Variants in ME3 observed in about 807,000 individuals in gnomAD.
ME3 encodes NADP-dependent malic enzyme, mitochondrial.
ME3 carries 48 observed loss-of-function variants against 68.9 expected under a neutral mutation model. The observed-to-expected ratio is 0.70, with a 90% confidence interval of 0.55 to 0.89. The LOEUF (loss-of-function observed/expected upper bound fraction) is 0.89. Among genes scored for constraint, ME3 ranks in the 40% least tolerant of loss-of-function variants. ME3 has a pLI of 0.00. For synonymous variants in ME3, 320 were observed against 318.8 expected (o/e 1.00, Z -0.04); for missense variants, 675 against 797.4 (o/e 0.85, Z 1.85).
At chr11:86,507,808 C>A (rs1953195325) in intron 5 of ME3, among the ~76,000 whole-genome samples, 1 of 152,054 alleles carries the variant, frequency 6.6e-6, no homozygotes, top group Non-Finnish European at 1.5e-5. Context: ...CATGGCAAAA[C>A]CCTATCTCTG....
intron 7 of ME3, among the ~76,000 whole-genome samples, chr11:86,474,019 G>T (rs900921965): frequency 6.6e-6 from 1 of 152,208 alleles, no homozygotes; most frequent in African/African-American, 2.4e-5. Context: ...GAAAGAGACT[G>T]CTGGTCACTG....
intron 7 of ME3, among the ~76,000 whole-genome samples, chr11:86,483,953 A>G (rs1175829141): frequency 2.0e-5 from 3 of 152,218 alleles, no homozygotes; most frequent in Admixed American, 2.0e-4. Context: ...GCACCCATCC[A>G]CTGCATGACA....
chr11:86,526,867 G>A lies in ME3; in HGVS notation c.468-18000C>T, dbSNP rs112413385. Among the ~76,000 whole-genome samples the A allele has an allele frequency of 1.8e-4, 28 of 152,306 alleles. No individual in the cohort carries two copies. In the East Asian group the frequency reaches 3.7e-3, roughly 20 times the overall value. ...CATCCACACCAAACCCCATCTGTAC[G>A]TCACCATCATCACAGACCAAAGGTA... On this transcript the variant is annotated intron_variant, in intron 4 of 14. Coordinates refer to ENST00000543262, the Ensembl canonical transcript of ME3.
chr11:86,449,788 CTA>C, intron 10 of ME3, 99 bp downstream of exon 10: 1 of 812,796 alleles, frequency 1.2e-6, no homozygotes, highest in Non-Finnish European at 2.0e-6. Flanking sequence ...ATTTTGCTCT[CTA>C]TTCTGTTTGA....
chr11:86,611,536 ATATC>A (rs1942574832), intron 2 of ME3, among the ~76,000 whole-genome samples: 1 of 147,862 alleles, frequency 6.8e-6, no homozygotes, highest in African/African-American at 2.5e-5. Context: ...TATATTATAT[ATATC>A]AAATCATCAC....
chr11:86,498,436 A>G (rs1465107827), intron 5 of ME3, among the ~76,000 whole-genome samples: 1 of 152,190 alleles, frequency 6.6e-6, no homozygotes, highest in African/African-American at 2.4e-5. Flanking sequence ...CCCTCAAGGA[A>G]ACTAAATAGA....
chr11:86,537,942 G>A (rs12799562), intron 4 of ME3, among the ~76,000 whole-genome samples: 25,210 of 152,204 alleles, frequency 0.17, 2,274 homozygotes, highest in African/African-American at 0.23. Flanking sequence ...GCCTGTGCAG[G>A]TCTGAAGAAC....
chr11:86,589,618 T>C (rs552387352), intron 2 of ME3, among the ~76,000 whole-genome samples: 70 of 152,336 alleles, frequency 4.6e-4, no homozygotes, highest in South Asian at 3.1e-3. Context: ...TCCTATTTTG[T>C]ATGTTTTAAT....
chr11:86,515,705 T>G (rs1405522990), intron 4 of ME3, among the ~76,000 whole-genome samples: 1 of 152,168 alleles, frequency 6.6e-6, no homozygotes, highest in Non-Finnish European at 1.5e-5. Flanking sequence ...TCCTGGCAGC[T>G]CTTTACGGAT....
At chr11:86,580,268 G>C (rs913616314) in intron 2 of ME3, among the ~76,000 whole-genome samples, 1 of 152,168 alleles carries the variant, frequency 6.6e-6, no homozygotes, top group Non-Finnish European at 1.5e-5. Context: ...GACCTGCAGA[G>C]TGACCTCTCC....
chr11:86,512,719 C>A (rs1309439528), intron 4 of ME3, among the ~76,000 whole-genome samples: 1 of 152,100 alleles, frequency 6.6e-6, no homozygotes, highest in Non-Finnish European at 1.5e-5. Context: ...GACTTTAAGA[C>A]TTGGGGAGTG....
In ME3 at chr11:86,671,744, T is replaced by G. The variant is rs1211229576; in HGVS notation, c.183+18A>C. On this transcript the variant is annotated intron_variant, in intron 2 of 14. Transcript: ENST00000543262. ...CACGGGATCGCAACGCGGGCCGTCC[T>G]GCCCTCTGGCCCATTACCTTGTTGA... The G allele has an allele frequency of 2.5e-6, 4 of 1,598,716 alleles. No individual in the cohort carries two copies. Among genetic ancestry groups the G allele is most frequent in the Non-Finnish European group, 2.6e-6 (3 of 1,173,882 alleles).
intron 4 of ME3, among the ~76,000 whole-genome samples, chr11:86,514,242 T>G (rs1434146933): frequency 5.3e-5 from 8 of 152,130 alleles, no homozygotes; most frequent in Admixed American, 5.2e-4. Flanking sequence ...GAACTGCAAG[T>G]CTATTAAATC....
chr11:86,572,185 G>T (rs1402983764), intron 2 of ME3, among the ~76,000 whole-genome samples: 1 of 152,154 alleles, frequency 6.6e-6, no homozygotes, highest in African/African-American at 2.4e-5. Flanking sequence ...GCTGGGCTTT[G>T]TTGCATCCAG....
rs111245252 is a variant in ME3, at chr11:86,615,835, C to G, written c.183+55927G>C. ...TGCTCTCAAGGATTTTCTTGCATAA[C>G]AACTTCTTAAAGTCACAAAATATTC... On this transcript the variant is annotated intron_variant, in intron 2 of 14. Coordinates refer to ENST00000543262, the Ensembl canonical transcript of ME3. 2.5e-3 allele frequency among the ~76,000 whole-genome samples: 374 copies of G among 152,318 alleles called. 2 individuals carry two copies. The highest frequency in any genetic ancestry group is 0.01 in the Middle Eastern group (3 of 294).
chr11:86,493,994 C>T lies in ME3; in HGVS notation c.705+3969G>A, dbSNP rs112725371. ...CCCTCTGTTACATCTCAGGCTTGCT[C>T]TGAGCAAAAGGTGTGCCCTGGGACT... On this transcript the variant is annotated intron_variant, in intron 6 of 14. Coordinates refer to ENST00000543262, the Ensembl canonical transcript of ME3. 5.8e-3 allele frequency among the ~76,000 whole-genome samples: 878 copies of T among 151,486 alleles called. 10 individuals are homozygous for T. Among genetic ancestry groups the T allele is most frequent in the African/African-American group, 0.02 (815 of 41,244 alleles).
chr11:86,638,858 C>A (rs561834301), intron 2 of ME3, among the ~76,000 whole-genome samples: 15 of 152,306 alleles, frequency 9.8e-5, no homozygotes, highest in Admixed American at 7.8e-4. Context: ...AATTCCTAAG[C>A]CTGAGCTCCT....
intron 2 of ME3, among the ~76,000 whole-genome samples, chr11:86,567,525 A>AG (rs1215272722): frequency 5.3e-5 from 8 of 152,194 alleles, no homozygotes; most frequent in Non-Finnish European, 8.8e-5. Context: ...CACCTTAGGG[A>AG]GGCCCAGGTA....
intron 2 of ME3, among the ~76,000 whole-genome samples, chr11:86,649,895 T>C (rs891497322): frequency 2.0e-5 from 3 of 152,192 alleles, no homozygotes; most frequent in Non-Finnish European, 1.5e-5. Flanking sequence ...CAATAATTTA[T>C]AGATTCAATG....
Sources: allele counts gnomAD v4.1 joint callset (sites outside exome capture counted in the v4.1 genomes callset), GRCh38; gene constraint gnomAD v4.1.1; transcripts MANE v1.5; gene names NCBI Gene and HGNC (gene_info 2026-07-23, HGNC 2026-07-21).